Variants in MYO1B observed in about 807,000 individuals in gnomAD.
MYO1B encodes the protein unconventional myosin-Ib.
A neutral mutation model predicts 159.7 loss-of-function variants in MYO1B; 72 were observed. The observed-to-expected ratio is 0.45, with a 90% CI of 0.37 to 0.55. MYO1B has a LOEUF of 0.55. Ranked by LOEUF, MYO1B falls within the 20% of genes least tolerant of loss-of-function variation. The pLI is 0.00. For missense variants in MYO1B, 1,062 were observed against 1,364.8 expected (o/e 0.78, Z 3.50); for synonymous variants, 468 against 473.8 (o/e 0.99, Z 0.16).
intron 3 of MYO1B, among the ~76,000 whole-genome samples, chr2:191,298,238 C>T (rs1379852080): frequency 6.6e-6 from 1 of 152,104 alleles, no homozygotes; most frequent in Non-Finnish European, 1.5e-5. Flanking sequence ...GTATATTTTA[C>T]CAGTCAAGCA....
At chr2:191,317,493 T>C (rs941506663) in intron 3 of MYO1B, among the ~76,000 whole-genome samples, 2 of 152,210 alleles carry the variant, frequency 1.3e-5, no homozygotes, top group Non-Finnish European at 2.9e-5. Flanking sequence ...TTATTATTAT[T>C]ATACCTTAAG....
intron 1 of MYO1B, among the ~76,000 whole-genome samples, chr2:191,255,276 C>A (rs1367302137): frequency 6.6e-6 from 1 of 152,132 alleles, no homozygotes; most frequent in Non-Finnish European, 1.5e-5. Flanking sequence ...TTTCTGCTCT[C>A]ATGAATGTGA....
chr2:191,361,630 T>C (rs957926214), intron 8 of MYO1B, among the ~76,000 whole-genome samples: 1 of 151,170 alleles, frequency 6.6e-6, no homozygotes, highest in African/African-American at 2.4e-5. Context: ...TAGTATAATA[T>C]ATGTAGAAGT....
At chr2:191,336,503 G>A (rs1574457423) in intron 4 of MYO1B, among the ~76,000 whole-genome samples, 1 of 152,270 alleles carries the variant, frequency 6.6e-6, no homozygotes, top group East Asian at 1.9e-4. Flanking sequence ...AATTATCAGA[G>A]ATTTTGTGGC....
At chr2:191,331,720 C>G (rs545666380) in intron 4 of MYO1B, among the ~76,000 whole-genome samples, 2 of 152,282 alleles carry the variant, frequency 1.3e-5, no homozygotes, top group South Asian at 2.1e-4. Flanking sequence ...AACAATAGCT[C>G]TTTACATAGA....
At chr2:191,309,362 G>T (rs553025118) in intron 3 of MYO1B, among the ~76,000 whole-genome samples, 1 of 152,168 alleles carries the variant, frequency 6.6e-6, no homozygotes, top group East Asian at 1.9e-4. Flanking sequence ...ACCCTCCTTT[G>T]CTTGGATTAT....
chr2:191,301,870 G>A (rs1689354873), intron 3 of MYO1B, among the ~76,000 whole-genome samples: 1 of 152,166 alleles, frequency 6.6e-6, no homozygotes, highest in Non-Finnish European at 1.5e-5. Context: ...ATCACCAACA[G>A]ATGGATCTTC....
intron 4 of MYO1B, among the ~76,000 whole-genome samples, chr2:191,333,271 A>G (rs963742172): frequency 7.9e-5 from 12 of 152,176 alleles, no homozygotes; most frequent in Admixed American, 2.6e-4. Context: ...CCAGCTATGT[A>G]TTTACTGCCT....
chr2:191,274,780 A>G (rs1396702233), intron 1 of MYO1B, among the ~76,000 whole-genome samples: 2 of 152,204 alleles, frequency 1.3e-5, no homozygotes, highest in African/African-American at 2.4e-5. Flanking sequence ...GCATTTCCAT[A>G]GCATGGCACG....
In MYO1B at chr2:191,400,171, C is replaced by T. The variant is rs559031021; in HGVS notation, c.2296-211C>T. Reference sequence around the variant, plus strand: ...TATCAGGGTACGGGAGGCTGCTGTTCCAATCAAGTGGAAACCCATGCTTAA... The same window carrying T: ...TATCAGGGTACGGGAGGCTGCTGTTTCAATCAAGTGGAAACCCATGCTTAA... On this transcript the variant is annotated intron_variant, in intron 21 of 30. Transcript: ENST00000392318. 5.9e-5 allele frequency among the ~76,000 whole-genome samples: 9 copies of T among 152,234 alleles called. No individual in the cohort carries two copies. In the South Asian group the frequency reaches 1.9e-3, roughly 32 times the overall value.
intron 11 of MYO1B, among the ~76,000 whole-genome samples, chr2:191,368,908 AG>A (rs1449435681): frequency 6.6e-6 from 1 of 152,174 alleles, no homozygotes; most frequent in Non-Finnish European, 1.5e-5. Flanking sequence ...CAAGAGGCAG[AG>A]GTTGCAGTGA....
chr2:191,372,494 G>A (rs1020188389), intron 13 of MYO1B, among the ~76,000 whole-genome samples: 2 of 152,200 alleles, frequency 1.3e-5, no homozygotes, highest in Admixed American at 1.3e-4. Flanking sequence ...GATACCAGTA[G>A]TAAACATAAC....
At position 191,398,965 on chromosome 2, in the gene MYO1B, G is replaced by T. The variant is rs1696403250; in HGVS notation, c.2296-1417G>T. The stretch of plus-strand genomic sequence containing the variant: ...GCTGAGATCACGCCACTGCACTCCA[G>T]CCTGGGCACCATTGAGCACTGAGTG... On this transcript the variant is annotated intron_variant, in intron 21 of 30. Transcript: ENST00000392318. Among the ~76,000 whole-genome samples, 6 of 152,358 alleles carry T rather than the reference G, an allele frequency of 3.9e-5. No homozygotes were observed. In the South Asian group the frequency reaches 1.0e-3, roughly 26 times the overall value.
At chr2:191,332,702 CA>C (rs2125924745) in intron 4 of MYO1B, among the ~76,000 whole-genome samples, 1 of 152,296 alleles carries the variant, frequency 6.6e-6, no homozygotes, top group East Asian at 1.9e-4. Context: ...AAAACTTATA[CA>C]GTGAATAAGT....
rs1272289308 is a variant in MYO1B at position 191,365,671 on chromosome 2, A to G, written c.1032+1395A>G. Among the ~76,000 whole-genome samples, 4 of 152,200 alleles carry G rather than the reference A, an allele frequency of 2.6e-5. No individual in the cohort carries two copies. The East Asian group carries it at 7.7e-4, about 29-fold the overall frequency. On this transcript the variant is annotated intron_variant, in intron 11 of 30. Transcript: ENST00000392318. ...CATAGGCCCTGAGTTGGGAAGTAAG[A>G]GGTTAGGGAAGACCCCATGGAAACA...
At chr2:191,310,081 G>A (rs1689902877) in intron 3 of MYO1B, among the ~76,000 whole-genome samples, 1 of 152,234 alleles carries the variant, frequency 6.6e-6, no homozygotes, top group Admixed American at 6.5e-5. Flanking sequence ...CTAGTTGTGG[G>A]TTGGGGGTAG....
At chr2:191,345,802 A>AT (rs1393472633) in intron 5 of MYO1B, among the ~76,000 whole-genome samples, 1 of 152,202 alleles carries the variant, frequency 6.6e-6, no homozygotes, top group East Asian at 1.9e-4. Flanking sequence ...AAAGGTTCAC[A>AT]TGCCATTCCC....
chr2:191,269,873 T>C (rs1200529100), intron 1 of MYO1B, among the ~76,000 whole-genome samples: 1 of 152,088 alleles, frequency 6.6e-6, no homozygotes, highest in Non-Finnish European at 1.5e-5. Flanking sequence ...GGATCAATTG[T>C]TATTTTGTGG....
At chr2:191,246,859 C>T (rs1316750661) in intron 1 of MYO1B, among the ~76,000 whole-genome samples, 1 of 152,206 alleles carries the variant, frequency 6.6e-6, no homozygotes, top group African/African-American at 2.4e-5. Flanking sequence ...ACACCACACA[C>T]ACCAGCGTTT....
Sources: allele counts gnomAD v4.1 joint callset (sites outside exome capture counted in the v4.1 genomes callset), GRCh38; gene constraint gnomAD v4.1.1; transcripts MANE v1.5; gene names NCBI Gene and HGNC (gene_info 2026-07-23, HGNC 2026-07-21).